The following CNTN4 variants were observed in gnomAD, a reference collection of about 807,000 sequenced individuals.
CNTN4 encodes contactin-4.
A neutral mutation model predicts 122.5 loss-of-function variants in CNTN4; 77 were observed. That is an observed-to-expected ratio of 0.63 (90% CI 0.52 to 0.76). The LOEUF is 0.76. CNTN4 is among the 30% of genes least tolerant of loss of function. The pLI is 0.00. For missense variants in CNTN4, 1,256 were observed against 1,259.1 expected, an observed-to-expected ratio of 1.00 and a Z score of 0.04; for synonymous variants, 512 against 447.0, an observed-to-expected ratio of 1.15 and a Z score of -1.83.
Position 2,670,429 on chromosome 3 carries a change from TG to T in CNTN4, c.56-65785del, listed in dbSNP as rs1421317575. On this transcript the variant is annotated intron_variant, in intron 4 of 24. Coordinates refer to ENST00000418658, the MANE Select transcript of CNTN4 (RefSeq NM_175607.3). ...AGGATTGCAACCCCTGCCTTTTTTTTGTTTTCCATTTGCTTGGTAGATCTTC... is the reference window on the plus strand; with the variant it reads ...AGGATTGCAACCCCTGCCTTTTTTTTTTTTCCATTTGCTTGGTAGATCTTC... Among the ~76,000 whole-genome samples the T allele has an allele frequency of 1.2e-4, 19 of 152,330 alleles. No individual in the cohort carries two copies. The South Asian group carries it at 1.5e-3, about 12-fold the overall frequency.
intron 3 of CNTN4, among the ~76,000 whole-genome samples, chr3:2,397,801 C>G (rs1445903038): frequency 6.6e-6 from 1 of 152,154 alleles, no homozygotes; most frequent in African/African-American, 2.4e-5. Flanking sequence ...TGCTAAATCT[C>G]TGCAAACTTT....
intron 4 of CNTN4, among the ~76,000 whole-genome samples, chr3:2,671,770 G>T (rs1426232786): frequency 6.6e-6 from 1 of 152,128 alleles, no homozygotes; most frequent in Admixed American, 6.5e-5. Flanking sequence ...ATACAGATGG[G>T]GTTTTGGTGT....
chr3:2,986,206 C>T (rs1179060844), intron 13 of CNTN4, among the ~76,000 whole-genome samples: 1 of 152,212 alleles, frequency 6.6e-6, no homozygotes, highest in Non-Finnish European at 1.5e-5. Context: ...TGAGCCGCCA[C>T]ACCCAGCCTC....
chr3:2,338,056 AAT>A (rs2044027669), intron 2 of CNTN4, among the ~76,000 whole-genome samples: 1 of 152,102 alleles, frequency 6.6e-6, no homozygotes, highest in Non-Finnish European at 1.5e-5. Context: ...AATTAATGTG[AAT>A]ATATAATTTT....
At chr3:2,230,941 T>C (rs13078768) in intron 2 of CNTN4, among the ~76,000 whole-genome samples, 43,568 of 151,948 alleles carry the variant, frequency 0.29, 6,372 homozygotes, top group African/African-American at 0.31. Flanking sequence ...TGAGCCATGA[T>C]CATGCCACTG....
chr3:2,181,418 C>T (rs538084478), intron 2 of CNTN4, among the ~76,000 whole-genome samples: 50 of 152,064 alleles, frequency 3.3e-4, no homozygotes, highest in African/African-American at 1.1e-3. Context: ...TTTAGTAGAA[C>T]GTATCAAACG....
intron 3 of CNTN4, among the ~76,000 whole-genome samples, chr3:2,383,736 TCTCTCTTCTCCCTCTC>T (rs370889239): frequency 1.2e-3 from 171 of 148,298 alleles, no homozygotes; most frequent in African/African-American, 2.8e-3. Context: ...CTCTCCCTCT[TCTCTCTTCTCCCTCTC>T]CTCTCTTCTC....
chr3:2,300,865 G>A (rs568761634), intron 2 of CNTN4, among the ~76,000 whole-genome samples: 1 of 152,000 alleles, frequency 6.6e-6, no homozygotes, highest in East Asian at 1.9e-4. Context: ...CACCGTGCCT[G>A]GCCGATCCTT....
intron 4 of CNTN4, among the ~76,000 whole-genome samples, chr3:2,708,715 C>G (rs149331121): frequency 6.8e-6 from 1 of 147,268 alleles, no homozygotes; most frequent in African/African-American, 2.6e-5. Context: ...CGCAGGCACG[C>G]GCACGCGCGC....
chr3:3,038,888 CG>C, intron 18 of CNTN4, 44 bp from the exon 19 acceptor site: 1 of 1,562,776 alleles, frequency 6.4e-7, no homozygotes, highest in South Asian at 1.1e-5. Flanking sequence ...GGCCCTCATT[CG>C]CCTTTGCCGC....
At chr3:2,804,115 A>G (rs1054175874) in intron 6 of CNTN4, among the ~76,000 whole-genome samples, 2 of 150,498 alleles carry the variant, frequency 1.3e-5, no homozygotes, top group Non-Finnish European at 3.0e-5. Flanking sequence ...TAAAAACCAT[A>G]AAGAAAAAAC....
chr3:3,039,345 A>G (rs921261891), intron 19 of CNTN4: 1 of 243,846 alleles, frequency 4.1e-6, no homozygotes, highest in Admixed American at 4.8e-5. Flanking sequence ...AACGTCTGCC[A>G]GCAATAGATT....
intron 3 of CNTN4, among the ~76,000 whole-genome samples, chr3:2,352,403 C>T (rs916068353): frequency 2.6e-5 from 4 of 152,070 alleles, no homozygotes; most frequent in African/African-American, 4.8e-5. Flanking sequence ...GGGAAAGGCT[C>T]GGGTGGGAAC....
chr3:2,399,966 G>C (rs2046779988), intron 3 of CNTN4, among the ~76,000 whole-genome samples: 1 of 151,972 alleles, frequency 6.6e-6, no homozygotes, highest in Admixed American at 6.6e-5. Context: ...CATTACTTAT[G>C]AAATAATTCA....
intron 3 of CNTN4, among the ~76,000 whole-genome samples, chr3:2,528,413 A>G (rs2077478977): frequency 6.6e-6 from 1 of 152,180 alleles, no homozygotes. Flanking sequence ...TTGGCCCATA[A>G]AATGAACACA....
chr3:2,885,489 G>T (rs1188955567), intron 9 of CNTN4, among the ~76,000 whole-genome samples: 1 of 152,200 alleles, frequency 6.6e-6, no homozygotes, highest in Non-Finnish European at 1.5e-5. Context: ...TTGTCCAAAA[G>T]AATGTACCTT....
chr3:2,581,461 T>C (rs1200038620), intron 4 of CNTN4, among the ~76,000 whole-genome samples: 2 of 152,172 alleles, frequency 1.3e-5, no homozygotes, highest in Non-Finnish European at 2.9e-5. Context: ...CACACTAACA[T>C]GGTCAAGGTT....
At chr3:2,931,245 G>C (rs1233383535) in intron 13 of CNTN4, among the ~76,000 whole-genome samples, 1 of 152,154 alleles carries the variant, frequency 6.6e-6, no homozygotes, top group Admixed American at 6.5e-5. Flanking sequence ...GACTATTAAA[G>C]GGTAGAACTG....
chr3:2,712,531 C>G, intron 4 of CNTN4, among the ~76,000 whole-genome samples: 1 of 152,266 alleles, frequency 6.6e-6, no homozygotes, highest in Non-Finnish European at 1.5e-5. Context: ...TTATGGAATA[C>G]TGAAGCCTAC....
Sources: allele counts gnomAD v4.1 joint callset (sites outside exome capture counted in the v4.1 genomes callset), GRCh38; gene constraint gnomAD v4.1.1; transcripts MANE v1.5; gene names NCBI Gene and HGNC (gene_info 2026-07-23, HGNC 2026-07-21).